The following RBFOX1 variants were observed in gnomAD, a reference collection of about 807,000 sequenced individuals.
The protein encoded by RBFOX1 is RNA binding fox-1 homolog 1.
Under a neutral mutation model 57.7 loss-of-function variants are expected in RBFOX1, and 8 were observed. The ratio of observed to expected loss-of-function variants is 0.14; its 90% confidence interval spans 0.08 to 0.25. RBFOX1 has a LOEUF of 0.25. Ranked by LOEUF, RBFOX1 falls within the 10% of genes least tolerant of loss-of-function variation. The pLI is 1.00. For synonymous variants in RBFOX1, 326 were observed against 222.4 expected (o/e 1.47, Z -4.15); for missense variants, 611 against 548.5 (o/e 1.11, Z -1.14).
At chr16:7,278,639 T>G (rs2095485629) in intron 4 of RBFOX1, among the ~76,000 whole-genome samples, 1 of 152,230 alleles carries the variant, frequency 6.6e-6, no homozygotes, top group Admixed American at 6.5e-5. Flanking sequence ...CCAGTCTTTT[T>G]GCAAGTCTGC....
At chr16:7,472,594 A>G (rs2061772318) in intron 4 of RBFOX1, among the ~76,000 whole-genome samples, 1 of 152,310 alleles carries the variant, frequency 6.6e-6, no homozygotes, top group Middle Eastern at 3.4e-3. Context: ...GACTCCTTCC[A>G]CTTCTGTCCC....
chr16:6,660,924 C>G (rs949734715), intron 3 of RBFOX1, among the ~76,000 whole-genome samples: 1 of 152,020 alleles, frequency 6.6e-6, no homozygotes, highest in Non-Finnish European at 1.5e-5. Flanking sequence ...GGAAGAGGAT[C>G]CTTGGTGTAG....
chr16:6,327,209 TGCTTAA>T (rs1447650029), intron 2 of RBFOX1, among the ~76,000 whole-genome samples: 3 of 152,206 alleles, frequency 2.0e-5, no homozygotes, highest in African/African-American at 7.2e-5. Flanking sequence ...TCCCTGAAGC[TGCTTAA>T]GCATTGTTTT....
chr16:5,564,206 C>G (rs984920245), intron 2 of RBFOX1, among the ~76,000 whole-genome samples: 4 of 151,680 alleles, frequency 2.6e-5, no homozygotes, highest in Non-Finnish European at 4.4e-5. Flanking sequence ...TTAGTAGGGA[C>G]AGGGTTTCAC....
At chr16:6,387,061 A>C (rs2092332636) in intron 2 of RBFOX1, among the ~76,000 whole-genome samples, 1 of 152,228 alleles carries the variant, frequency 6.6e-6, no homozygotes, top group Non-Finnish European at 1.5e-5. Context: ...ATTGAAATGC[A>C]AGGGGAAATG....
At chr16:6,867,974 G>A (rs1026483773) in intron 3 of RBFOX1, among the ~76,000 whole-genome samples, 9 of 152,096 alleles carry the variant, frequency 5.9e-5, no homozygotes, top group African/African-American at 2.4e-5. Flanking sequence ...GTTGAATTTT[G>A]ATTTCTGTAC....
intron 3 of RBFOX1, among the ~76,000 whole-genome samples, chr16:5,717,255 C>T (rs915536859): frequency 1.3e-5 from 2 of 152,006 alleles, no homozygotes; most frequent in Non-Finnish European, 2.9e-5. Context: ...GATACAGCCT[C>T]GTTGTTTCCT....
intron 2 of RBFOX1, among the ~76,000 whole-genome samples, chr16:6,344,411 T>TC (rs987481053): frequency 1.5e-5 from 2 of 137,836 alleles, no homozygotes; most frequent in African/African-American, 6.0e-5. Flanking sequence ...TTTTTTCTTT[T>TC]TTTTTTTTGA....
At chr16:6,861,131 G>T (rs1414214929) in intron 3 of RBFOX1, among the ~76,000 whole-genome samples, 2 of 152,072 alleles carry the variant, frequency 1.3e-5, no homozygotes, top group Non-Finnish European at 2.9e-5. Flanking sequence ...TACGGCATTT[G>T]CTCCAGCATC....
intron 4 of RBFOX1, among the ~76,000 whole-genome samples, chr16:7,098,712 A>T (rs1029577169): frequency 3.9e-5 from 6 of 152,052 alleles, no homozygotes; most frequent in African/African-American, 1.4e-4. Context: ...CAGTTTTGGA[A>T]ACTGAGGCAG....
chr16:7,419,001 C>T (rs2149309426), intron 4 of RBFOX1, among the ~76,000 whole-genome samples: 1 of 152,246 alleles, frequency 6.6e-6, no homozygotes. Flanking sequence ...ACCTCCCGGG[C>T]TCATGCTTTC....
At chr16:6,428,735 A>G (rs925144828) in intron 2 of RBFOX1, among the ~76,000 whole-genome samples, 6 of 152,228 alleles carry the variant, frequency 3.9e-5, no homozygotes, top group Non-Finnish European at 7.3e-5. Flanking sequence ...TAAACAAAAT[A>G]TACATGCTCA....
At chr16:6,673,094 G>A (rs1460368636) in intron 3 of RBFOX1, among the ~76,000 whole-genome samples, 5 of 152,190 alleles carry the variant, frequency 3.3e-5, no homozygotes, top group African/African-American at 4.8e-5. Flanking sequence ...GATTGGTCAC[G>A]TAAATGCAAC....
chr16:7,454,133 T>A (rs1314291672), intron 4 of RBFOX1, among the ~76,000 whole-genome samples: 2 of 152,194 alleles, frequency 1.3e-5, no homozygotes, highest in African/African-American at 4.8e-5. Flanking sequence ...CTCAGGAGGC[T>A]AAGGCAGGAG....
chr16:5,728,012 C>G (rs997277459), intron 3 of RBFOX1, among the ~76,000 whole-genome samples: 1 of 152,200 alleles, frequency 6.6e-6, no homozygotes, highest in African/African-American at 2.4e-5. Context: ...TATCAGTTCA[C>G]TTCTTTAGAT....
rs865891763 is a variant in RBFOX1, at chr16:7,021,504, A to G, written c.-15-30553A>G. On this transcript the variant is annotated intron_variant, in intron 3 of 15. Coordinates refer to ENST00000550418, the MANE Select transcript of RBFOX1 (RefSeq NM_018723.4). ...TATATTTTATATTAATATTTTATATAAATATTATATTTTATAAAATTTATA... is the reference window on the plus strand; with the variant it reads ...TATATTTTATATTAATATTTTATATGAATATTATATTTTATAAAATTTATA... Among the ~76,000 whole-genome samples, 145 of 145,630 alleles carry G rather than the reference A, an allele frequency of 1.0e-3. 1 individual carries two copies. The highest frequency in any genetic ancestry group is 5.1e-3 in the South Asian group (24 of 4,748).
intron 3 of RBFOX1, among the ~76,000 whole-genome samples, chr16:6,701,823 C>T (rs924104007): frequency 3.9e-5 from 6 of 152,068 alleles, no homozygotes; most frequent in Non-Finnish European, 4.4e-5. Flanking sequence ...AACTGGAGTC[C>T]AGTATTCTAA....
Position 5,648,108 on chromosome 16 carries a change from C to T in RBFOX1, c.318+49147C>T, listed in dbSNP as rs570533421. On this transcript the variant is annotated intron_variant, in intron 3 of 19. Coordinates refer to the RBFOX1 transcript ENST00000641259. ...CTCCTTACTTCAAGTGATCAGCCTG[C>T]CTCTACCTCCCAGAGTGCTGGGATC... Among the ~76,000 whole-genome samples, 8 of 152,292 alleles carry T rather than the reference C, an allele frequency of 5.3e-5. No individual in the cohort carries two copies. In the East Asian group the frequency reaches 1.5e-3, roughly 29 times the overall value.
chr16:5,597,753 C>T (rs11643067), intron 2 of RBFOX1, among the ~76,000 whole-genome samples: 32,229 of 151,874 alleles, frequency 0.21, 3,503 homozygotes, highest in African/African-American at 0.23. Context: ...CCAGCTTTAA[C>T]ATGCTCCTGC....
Sources: gnomAD v4.1 joint callset for allele counts (sites outside exome capture counted in the v4.1 genomes callset) on GRCh38, gnomAD v4.1.1 for gene constraint, MANE v1.5 for transcripts, NCBI Gene and HGNC (gene_info 2026-07-23, HGNC 2026-07-21) for gene names.